The following TET2 variants were observed in gnomAD, a reference collection of about 807,000 sequenced individuals.
TET2 encodes the protein methylcytosine dioxygenase TET2.
In TET2, 299 loss-of-function variants were observed where a neutral mutation model predicts 142.9. That is an observed-to-expected ratio of 2.09 (90% CI 1.90 to 2.30). TET2 has a LOEUF of 2.30. Among genes scored for constraint, TET2 ranks in the 30% most tolerant of loss-of-function variants. TET2 has a pLI of 0.00. For synonymous variants in TET2, 819 were observed against 849.0 expected, an observed-to-expected ratio of 0.96 and a Z score of 0.61; for missense variants, 2,418 against 2,378.0, an observed-to-expected ratio of 1.02 and a Z score of -0.35.
At chr4:105,164,897 T>G (rs1724073084) in intron 1 of TET2, among the ~76,000 whole-genome samples, 1 of 152,238 alleles carries the variant, frequency 6.6e-6, no homozygotes, top group South Asian at 2.1e-4. Flanking sequence ...AGTACCATCC[T>G]TTCATGATCA....
chr4:105,195,307 G>A (rs558284040), intron 2 of TET2, among the ~76,000 whole-genome samples: 2 of 152,146 alleles, frequency 1.3e-5, no homozygotes, highest in South Asian at 4.1e-4. Context: ...CACTAAAAAC[G>A]TTTATTCATC....
intron 1 of TET2, among the ~76,000 whole-genome samples, chr4:105,161,793 A>G (rs1379535234): frequency 6.6e-6 from 1 of 152,262 alleles, no homozygotes; most frequent in Non-Finnish European, 1.5e-5. Context: ...GGCTGTCTTC[A>G]TAAAGATGAG....
At chr4:105,272,496 T>TACAC (rs149641287) in intron 9 of TET2, 68 bp from the exon 10 acceptor site, 1 of 1,014,900 alleles carries the variant, frequency 9.9e-7, no homozygotes, top group Middle Eastern at 3.2e-4. Flanking sequence ...AGGAGAAAGA[T>TACAC]ACACACACAC....
At chr4:105,254,789 G>C (rs1251150186) in intron 6 of TET2, among the ~76,000 whole-genome samples, 1 of 152,168 alleles carries the variant, frequency 6.6e-6, no homozygotes, top group African/African-American at 2.4e-5. Context: ...TCCTATGGAA[G>C]CATGAAGGGA....
chr4:105,248,972 TAA>T (rs954830462), intron 6 of TET2, among the ~76,000 whole-genome samples: 1 of 144,830 alleles, frequency 6.9e-6, no homozygotes. Flanking sequence ...TTCATTTTAT[TAA>T]AAAAAAAAAG....
At chr4:105,247,761 G>A (rs1291751114) in intron 6 of TET2, among the ~76,000 whole-genome samples, 2 of 118,834 alleles carry the variant, frequency 1.7e-5, no homozygotes, top group African/African-American at 6.6e-5. Context: ...TCGCTCTGTC[G>A]CTTAGGCTGG....
chr4:105,210,806 A>T (rs1727113699), intron 2 of TET2, among the ~76,000 whole-genome samples: 1 of 152,138 alleles, frequency 6.6e-6, no homozygotes, highest in South Asian at 2.1e-4. Flanking sequence ...GCTATTCTCT[A>T]GTTCAGGACA....
intron 1 of TET2, among the ~76,000 whole-genome samples, chr4:105,172,229 T>C (rs1425119383): frequency 6.6e-6 from 1 of 152,158 alleles, no homozygotes; most frequent in African/African-American, 2.4e-5. Flanking sequence ...CCACATGTAA[T>C]TTTTGACTCC....
At chr4:105,200,060 G>A (rs532848326) in intron 2 of TET2, among the ~76,000 whole-genome samples, 255 of 152,200 alleles carry the variant, frequency 1.7e-3, no homozygotes, top group African/African-American at 5.9e-3. Context: ...TATATACCCA[G>A]TAGTGGGGTT....
chr4:105,146,594 C>A (rs1280610004), upstream of TET2: 1 of 153,226 alleles, frequency 6.5e-6, no homozygotes, highest in East Asian at 1.9e-4. Flanking sequence ...GGCTGAGGGC[C>A]CCAGGGCGGC....
At chr4:105,183,288 C>G (rs1056882815) in intron 1 of TET2, among the ~76,000 whole-genome samples, 1 of 151,904 alleles carries the variant, frequency 6.6e-6, no homozygotes, top group African/African-American at 2.4e-5. Flanking sequence ...GCTTTGGAAT[C>G]AATAATAAGT....
At chr4:105,216,921 A>T (rs1406495024) in intron 2 of TET2, among the ~76,000 whole-genome samples, 1 of 152,120 alleles carries the variant, frequency 6.6e-6, no homozygotes, top group African/African-American at 2.4e-5. Context: ...GTTATATGGA[A>T]ATTTCTTTGC....
At chr4:105,193,598 T>C (rs1725911435) in intron 2 of TET2, among the ~76,000 whole-genome samples, 1 of 152,124 alleles carries the variant, frequency 6.6e-6, no homozygotes, top group African/African-American at 2.4e-5. Flanking sequence ...GGAAGATAGA[T>C]TTTATATATT....
At position 105,276,168 on chromosome 4, in the gene TET2, A is replaced by T. The variant is rs1403474233; in HGVS notation, c.5658A>T (p.Leu1886Phe). The change falls in exon 11 of 11, where the codon TTA becomes TTT. Residue 1886 changes from leucine (L) to phenylalanine (F), a missense_variant. By Grantham distance (22) the Leu-to-Phe change is conservative. Transcript: ENST00000380013. Reference protein sequence around the residue: ...AKRELHATTPLKNPNRNHPTR... With the variant: ...AKRELHATTPFKNPNRNHPTR... Reference sequence around the variant, plus strand: ...GTGAGCTGCATGCCACAACCCCTTTAAAGAATCCCAATAGGAATCACCCCA... The same window carrying T: ...GTGAGCTGCATGCCACAACCCCTTTTAAGAATCCCAATAGGAATCACCCCA... 1 of 1,551,580 alleles carries T rather than the reference A, an allele frequency of 6.4e-7. No individual in the cohort carries two copies. Among genetic ancestry groups the T allele is most frequent in the South Asian group, 1.2e-5 (1 of 84,054 alleles).
chr4:105,255,529 G>A (rs1280349255), intron 6 of TET2, among the ~76,000 whole-genome samples: 1 of 151,968 alleles, frequency 6.6e-6, no homozygotes, highest in African/African-American at 2.4e-5. Flanking sequence ...TACAACTTCT[G>A]TTTTCTTTTT....
At chr4:105,260,383 C>T (rs1730363646) in intron 7 of TET2, among the ~76,000 whole-genome samples, 1 of 151,760 alleles carries the variant, frequency 6.6e-6, no homozygotes, top group African/African-American at 2.4e-5. Flanking sequence ...TACTTCTTGA[C>T]TTATGAGGAG....
At chr4:105,219,969 C>G (rs745575081) in intron 2 of TET2, among the ~76,000 whole-genome samples, 2 of 152,032 alleles carry the variant, frequency 1.3e-5, no homozygotes, top group African/African-American at 4.8e-5. Context: ...TGTTTTTCTC[C>G]TCATTAGAAT....
At chr4:105,169,813 C>T (rs1332684680) in intron 1 of TET2, among the ~76,000 whole-genome samples, 1 of 152,098 alleles carries the variant, frequency 6.6e-6, no homozygotes, top group Non-Finnish European at 1.5e-5. Flanking sequence ...ACCAGCTATC[C>T]CAGCACCATT....
Position 105,234,461 on chromosome 4 carries a change from GC to G in TET2, c.521del (p.Pro174LeufsTer9). 6.2e-7 allele frequency: 1 copy of G among 1,613,974 alleles called. No homozygotes were observed. Among genetic ancestry groups the G allele is most frequent in the Non-Finnish European group, 8.5e-7 (1 of 1,179,990 alleles). On this transcript the variant is annotated frameshift_variant, in exon 3 of 11. Transcript: ENST00000380013. LOFTEE classifies it high-confidence loss of function. ...GTTTTTCAACACATAACTGCAGTGGGCCTGAAAATCCAGAGCTTCAGATTCT... is the reference window on the plus strand; with the variant it reads ...GTTTTTCAACACATAACTGCAGTGGGCTGAAAATCCAGAGCTTCAGATTCT... ...TSFSTHNCSG[P>X]ENPELQILNE...
Sources: allele counts gnomAD v4.1 joint callset (sites outside exome capture counted in the v4.1 genomes callset), GRCh38; gene constraint gnomAD v4.1.1; transcripts MANE v1.5; gene names NCBI Gene and HGNC (gene_info 2026-07-23, HGNC 2026-07-21).